SHLD1: variants seen among roughly 807,000 people sequenced by gnomAD.
The protein encoded by SHLD1 is RINN1-REV7-interacting novel NHEJ regulator 3.
A neutral mutation model predicts 5.5 loss-of-function variants in SHLD1; 3 were observed. That is an observed-to-expected ratio of 0.54 (90% CI 0.25 to 1.40). SHLD1 has a LOEUF of 1.40. SHLD1 is among the 40% of genes most tolerant of loss of function. The pLI is 0.15. For missense variants in SHLD1, 210 were observed against 244.4 expected (o/e 0.86, Z 0.94); for synonymous variants, 92 against 94.3 (o/e 0.98, Z 0.14).
At chr20:5,785,627 C>CT in intron 2 of SHLD1, among the ~76,000 whole-genome samples, 1 of 152,146 alleles carries the variant, frequency 6.6e-6, no homozygotes, top group Middle Eastern at 3.4e-3. Flanking sequence ...GAAACCCCGT[C>CT]TCTACTAAAA....
chr20:5,755,404 T>G (rs1984016423), intron 1 of SHLD1, among the ~76,000 whole-genome samples: 1 of 152,148 alleles, frequency 6.6e-6, no homozygotes, highest in African/African-American at 2.4e-5. Flanking sequence ...GTGTTCCTCA[T>G]GAGAATTTAA....
At chr20:5,820,760 G>T (rs1176594499) in intron 2 of SHLD1, among the ~76,000 whole-genome samples, 1 of 152,218 alleles carries the variant, frequency 6.6e-6, no homozygotes, top group East Asian at 1.9e-4. Context: ...TGTCTCCTTT[G>T]ATCTTTTCTC....
chr20:5,832,639 T>C (rs1189404796), intron 2 of SHLD1, among the ~76,000 whole-genome samples: 2 of 152,058 alleles, frequency 1.3e-5, no homozygotes, highest in Middle Eastern at 3.4e-3. Context: ...GGCTAGTATA[T>C]ACATTATGCT....
intron 1 of SHLD1, among the ~76,000 whole-genome samples, chr20:5,751,507 A>G (rs750329239): frequency 6.6e-6 from 1 of 152,008 alleles, no homozygotes; most frequent in Non-Finnish European, 1.5e-5. Context: ...AGGTTTCACC[A>G]TCTTGGCCAG....
At chr20:5,850,100 A>C (rs1307040212) in intron 2 of SHLD1, among the ~76,000 whole-genome samples, 2 of 135,272 alleles carry the variant, frequency 1.5e-5, no homozygotes, top group Non-Finnish European at 3.2e-5. Context: ...GCAACACAGC[A>C]AGACCCCGTC....
intron 2 of SHLD1, among the ~76,000 whole-genome samples, chr20:5,776,426 T>C (rs1985430667): frequency 6.6e-6 from 1 of 152,118 alleles, no homozygotes; most frequent in South Asian, 2.1e-4. Flanking sequence ...TCATGTCTCT[T>C]ATAAGGGCAC....
intron 2 of SHLD1, among the ~76,000 whole-genome samples, chr20:5,808,066 G>A (rs1389566008): frequency 3.3e-5 from 5 of 152,176 alleles, no homozygotes; most frequent in African/African-American, 1.2e-4. Flanking sequence ...CAGATCGCGA[G>A]GCCAGGAGTT....
chr20:5,794,779 C>T (rs748875755), intron 2 of SHLD1, among the ~76,000 whole-genome samples: 1 of 152,130 alleles, frequency 6.6e-6, no homozygotes, highest in Non-Finnish European at 1.5e-5. Context: ...GTTTATTAGA[C>T]GTCTAATCAG....
chr20:5,803,313 C>T (rs2087324711), intron 2 of SHLD1, among the ~76,000 whole-genome samples: 1 of 152,126 alleles, frequency 6.6e-6, no homozygotes, highest in Non-Finnish European at 1.5e-5. Context: ...GAGATGAGTA[C>T]CACCATGCCT....
chr20:5,754,439 G>A (rs901258556), intron 1 of SHLD1, among the ~76,000 whole-genome samples: 23 of 151,972 alleles, frequency 1.5e-4, no homozygotes, highest in African/African-American at 5.6e-4. Flanking sequence ...ATTAATGCTG[G>A]TCATTTGTGC....
At chr20:5,786,616 T>C (rs1396550931) in intron 2 of SHLD1, among the ~76,000 whole-genome samples, 1 of 151,978 alleles carries the variant, frequency 6.6e-6, no homozygotes, top group African/African-American at 2.4e-5. Context: ...TTATCTGACC[T>C]ACTTTGTTTG....
intron 2 of SHLD1, among the ~76,000 whole-genome samples, chr20:5,780,422 G>C (rs1057204295): frequency 4.6e-5 from 7 of 152,162 alleles, no homozygotes; most frequent in Admixed American, 3.9e-4. Flanking sequence ...AGGCACGCTG[G>C]AGAGAATACC....
intron 2 of SHLD1, among the ~76,000 whole-genome samples, chr20:5,787,140 A>G (rs1347453430): frequency 1.3e-5 from 2 of 152,208 alleles, no homozygotes; most frequent in African/African-American, 4.8e-5. Flanking sequence ...GCCTCATGTC[A>G]GTGATTTTCA....
In SHLD1 at chr20:5,863,423, C is replaced by G; in HGVS notation, c.578C>G (p.Thr193Ser). 7.4e-6 allele frequency: 12 copies of G among 1,610,936 alleles called. No homozygotes were observed. The highest frequency in any genetic ancestry group is 1.0e-5 in the Non-Finnish European group (12 of 1,178,624). The change falls in exon 3 of 3, where the codon ACT becomes AGT. Residue 193 changes from threonine to serine, a missense_variant. Transcript: ENST00000303142. ...AACCCAGGACTGTCAAAGGATATTA[C>G]TCATTTCCTCTTGCAGCAGAATGTA... ...KPNPGLSKDI[T>S]HFLLQQNVMK...
chr20:5,817,428 CTCTCTGTG>C (rs1483758389), intron 2 of SHLD1, among the ~76,000 whole-genome samples: 84 of 111,968 alleles, frequency 7.5e-4, no homozygotes, highest in African/African-American at 1.4e-3. Flanking sequence ...CTCTCTCTCT[CTCTCTGTG>C]TGTGTGTGTG....
At chr20:5,804,069 G>C (rs764386523) in intron 2 of SHLD1, among the ~76,000 whole-genome samples, 2 of 151,896 alleles carry the variant, frequency 1.3e-5, no homozygotes, top group Non-Finnish European at 2.9e-5. Flanking sequence ...TTAGCACTTT[G>C]AGATGCCGAG....
In SHLD1 at chr20:5,841,721, C is replaced by T. The variant is rs570805219; in HGVS notation, c.179-21303C>T. On this transcript the variant is annotated intron_variant, in intron 2 of 2. Coordinates refer to ENST00000303142, the MANE Select transcript of SHLD1 (RefSeq NM_152504.4). ...ATTTATTGACTAAAAGTACATTTAACTGCTTTCTTGAAGCTTAAACAGCTT... is the reference window on the plus strand; with the variant it reads ...ATTTATTGACTAAAAGTACATTTAATTGCTTTCTTGAAGCTTAAACAGCTT... 3.0e-3 allele frequency among the ~76,000 whole-genome samples: 450 copies of T among 152,308 alleles called. 2 individuals carry two copies. The highest frequency in any genetic ancestry group is 1.0e-2 in the African/African-American group (415 of 41,562).
At chr20:5,851,787 C>T (rs2088013935) in intron 2 of SHLD1, among the ~76,000 whole-genome samples, 2 of 151,448 alleles carry the variant, frequency 1.3e-5, no homozygotes, top group African/African-American at 4.9e-5. Flanking sequence ...AATGTAATCC[C>T]CAGTGTTGGA....
chr20:5,783,978 G>C (rs922586866), intron 2 of SHLD1, among the ~76,000 whole-genome samples: 2 of 151,862 alleles, frequency 1.3e-5, no homozygotes, highest in African/African-American at 4.8e-5. Context: ...ATGGCAAAAC[G>C]CCGTCTCTAC....
Sources: allele counts gnomAD v4.1 joint callset (sites outside exome capture counted in the v4.1 genomes callset), GRCh38; gene constraint gnomAD v4.1.1; transcripts MANE v1.5; gene names NCBI Gene and HGNC (gene_info 2026-07-23, HGNC 2026-07-21).